Variants in RAB3C observed in about 807,000 individuals in gnomAD.
RAB3C encodes RAB3C, member RAS oncogene family.
Under a neutral mutation model 26.4 loss-of-function variants are expected in RAB3C, and 17 were observed. The observed-to-expected ratio is 0.64, with a 90% CI of 0.44 to 0.97. RAB3C has a LOEUF of 0.97. Among genes scored for constraint, RAB3C ranks in the 50% least tolerant of loss-of-function variants. RAB3C has a pLI of 0.00. For synonymous variants in RAB3C, 91 were observed against 95.9 expected (o/e 0.95, Z 0.30); for missense variants, 242 against 281.9 (o/e 0.86, Z 1.01).
chr5:58,712,874 C>T (rs763523313), intron 2 of RAB3C, among the ~76,000 whole-genome samples: 1 of 152,008 alleles, frequency 6.6e-6, no homozygotes, highest in Non-Finnish European at 1.5e-5. Context: ...TGTGGATTCT[C>T]TTGAACATGA....
intron 3 of RAB3C, among the ~76,000 whole-genome samples, chr5:58,792,007 T>C (rs946045602): frequency 6.6e-6 from 1 of 152,194 alleles, no homozygotes; most frequent in African/African-American, 2.4e-5. Context: ...TTGTTGTAAA[T>C]GGCAAAGGAA....
intron 3 of RAB3C, among the ~76,000 whole-genome samples, chr5:58,745,513 A>G (rs939042195): frequency 2.0e-5 from 3 of 151,396 alleles, no homozygotes; most frequent in African/African-American, 7.3e-5. Flanking sequence ...GCTCCCTGAT[A>G]CTTCCATTCT....
At chr5:58,790,155 G>A (rs1405611875) in intron 3 of RAB3C, among the ~76,000 whole-genome samples, 1 of 152,024 alleles carries the variant, frequency 6.6e-6, no homozygotes, top group Non-Finnish European at 1.5e-5. Context: ...GTCCAAAATA[G>A]GGCTTTACAT....
intron 3 of RAB3C, among the ~76,000 whole-genome samples, chr5:58,795,799 G>A (rs1277328386): frequency 6.6e-6 from 1 of 152,088 alleles, no homozygotes; most frequent in Non-Finnish European, 1.5e-5. Context: ...AAAGATAGGA[G>A]GTAGGGCAGA....
intron 2 of RAB3C, among the ~76,000 whole-genome samples, chr5:58,715,405 A>G (rs1018020324): frequency 6.6e-6 from 1 of 152,062 alleles, no homozygotes; most frequent in African/African-American, 2.4e-5. Context: ...TTAAGGAAAG[A>G]TAATTTCTTG....
chr5:58,784,822 G>A (rs1742340889), intron 3 of RAB3C: 1 of 152,198 alleles, frequency 6.6e-6, no homozygotes, highest in South Asian at 2.1e-4. Flanking sequence ...TGAGATGCAG[G>A]TCTAAGAGCA....
chr5:58,590,688 G>A (rs1460103770), intron 1 of RAB3C, among the ~76,000 whole-genome samples: 3 of 151,798 alleles, frequency 2.0e-5, no homozygotes, highest in East Asian at 1.9e-4. Flanking sequence ...GAACACAGGC[G>A]CCCACCACCA....
At chr5:58,736,842 G>A (rs1741147406) in intron 3 of RAB3C, among the ~76,000 whole-genome samples, 2 of 152,146 alleles carry the variant, frequency 1.3e-5, no homozygotes, top group Non-Finnish European at 2.9e-5. Flanking sequence ...ACCTGGTTAT[G>A]CCACCATCAT....
intron 3 of RAB3C, among the ~76,000 whole-genome samples, chr5:58,771,831 TTTTTTC>T (rs964167917): frequency 1.2e-4 from 18 of 151,616 alleles, no homozygotes; most frequent in East Asian, 5.8e-4. Context: ...TTTTTCTTTC[TTTTTTC>T]TTTTTCTTTT....
chr5:58,703,338 A>G (rs1245873960), intron 2 of RAB3C, among the ~76,000 whole-genome samples: 1 of 151,994 alleles, frequency 6.6e-6, no homozygotes, highest in Non-Finnish European at 1.5e-5. Flanking sequence ...ATGTGCCACC[A>G]CAGCCACCTA....
intron 4 of RAB3C, among the ~76,000 whole-genome samples, chr5:58,831,347 G>A (rs2112067852): frequency 6.6e-6 from 1 of 152,232 alleles, no homozygotes; most frequent in African/African-American, 2.4e-5. Flanking sequence ...TGATTACAAA[G>A]GATAAATTAT....
intron 2 of RAB3C, among the ~76,000 whole-genome samples, chr5:58,685,900 G>A (rs1561288845): frequency 6.6e-6 from 1 of 152,148 alleles, no homozygotes; most frequent in Admixed American, 6.5e-5. Context: ...AGTTCAATAT[G>A]GCAGTAGCAT....
At chr5:58,811,541 G>C (rs1743090556) in intron 3 of RAB3C, among the ~76,000 whole-genome samples, 1 of 152,116 alleles carries the variant, frequency 6.6e-6, no homozygotes, top group Admixed American at 6.5e-5. Context: ...CAGAACCCAA[G>C]GCCTAGGAAA....
chr5:58,633,469 G>C (rs1211849302), intron 2 of RAB3C, among the ~76,000 whole-genome samples: 8 of 152,188 alleles, frequency 5.3e-5, no homozygotes, highest in Non-Finnish European at 1.5e-5. Flanking sequence ...GTATTTGTGT[G>C]ATAAGGATTC....
intron 3 of RAB3C, among the ~76,000 whole-genome samples, chr5:58,766,323 G>A (rs112203769): frequency 0.02 from 3,110 of 151,920 alleles, 120 homozygotes; most frequent in African/African-American, 0.068. Flanking sequence ...TCACCATCTT[G>A]GCCAAGCTGT....
chr5:58,799,610 A>T (rs1231607446), intron 3 of RAB3C, among the ~76,000 whole-genome samples: 4 of 152,100 alleles, frequency 2.6e-5, no homozygotes, highest in African/African-American at 9.7e-5. Flanking sequence ...CAAACAAGGA[A>T]TTGGGTTTGG....
At chr5:58,798,087 AC>A (rs1328355708) in intron 3 of RAB3C, among the ~76,000 whole-genome samples, 2 of 109,232 alleles carry the variant, frequency 1.8e-5, no homozygotes, top group African/African-American at 2.7e-5. Flanking sequence ...TTCAGAACAT[AC>A]TTGGCGGGGG....
chr5:58,610,690 A>G (rs1455215523), intron 1 of RAB3C, among the ~76,000 whole-genome samples: 4 of 151,928 alleles, frequency 2.6e-5, no homozygotes, highest in Admixed American at 1.3e-4. Flanking sequence ...TCCTCCTTCC[A>G]TTCTTTACCT....
At chr5:58,807,063 A>G (rs1179487792) in intron 3 of RAB3C, among the ~76,000 whole-genome samples, 1 of 152,128 alleles carries the variant, frequency 6.6e-6, no homozygotes, top group African/African-American at 2.4e-5. Context: ...TAATATAATC[A>G]CCTCTGTGCT....
Sources: allele counts gnomAD v4.1 joint callset (sites outside exome capture counted in the v4.1 genomes callset), GRCh38; gene constraint gnomAD v4.1.1; transcripts MANE v1.5; gene names NCBI Gene and HGNC (gene_info 2026-07-23, HGNC 2026-07-21).